CREB5: variants seen among roughly 807,000 people sequenced by gnomAD.
CREB5 encodes the protein cAMP responsive element binding protein 5, also known as cyclic AMP-responsive element-binding protein 5.
Under a neutral mutation model 57.1 loss-of-function variants are expected in CREB5, and 19 were observed. That is an observed-to-expected ratio of 0.33 (90% CI 0.23 to 0.49). CREB5 has a LOEUF of 0.49. Among genes scored for constraint, CREB5 ranks in the 20% least tolerant of loss-of-function variants. The pLI, the probability that CREB5 is intolerant of heterozygous loss-of-function variation, is 0.99. For missense variants in CREB5, 579 were observed against 671.6 expected, an observed-to-expected ratio of 0.86 and a Z score of 1.52; for synonymous variants, 238 against 238.3, an observed-to-expected ratio of 1.00 and a Z score of 0.01.
chr7:28,767,635 C>T (rs908885990), intron 7 of CREB5, among the ~76,000 whole-genome samples: 66 of 152,114 alleles, frequency 4.3e-4, no homozygotes, highest in African/African-American at 1.5e-3. Context: ...GGGAGAGAAG[C>T]GACACACTGC....
intron 5 of CREB5, among the ~76,000 whole-genome samples, chr7:28,645,593 T>C (rs114236325): frequency 1.3e-5 from 2 of 152,334 alleles, no homozygotes; most frequent in African/African-American, 4.8e-5. Flanking sequence ...GATTGGAGAT[T>C]TTTGTTTTTC....
intron 7 of CREB5, among the ~76,000 whole-genome samples, chr7:28,765,051 C>A (rs2128772070): frequency 6.6e-6 from 1 of 152,302 alleles, no homozygotes; most frequent in South Asian, 2.1e-4. Context: ...AAAATGATGA[C>A]AAAGATGAGC....
intron 5 of CREB5, among the ~76,000 whole-genome samples, chr7:28,674,184 CT>C (rs1264640078): frequency 1.3e-5 from 2 of 151,986 alleles, no homozygotes; most frequent in Non-Finnish European, 2.9e-5. Context: ...ACAAGAGTCC[CT>C]TTCTTGATGT....
intron 5 of CREB5, among the ~76,000 whole-genome samples, chr7:28,571,054 T>C (rs930467075): frequency 1.3e-5 from 2 of 152,012 alleles, no homozygotes; most frequent in African/African-American, 4.8e-5. Context: ...GTGTGTGATA[T>C]GTGTTTTCCA....
At chr7:28,608,109 TCTCTCACACACACTCACA>T (rs1339267874) in intron 5 of CREB5, among the ~76,000 whole-genome samples, 5 of 35,192 alleles carry the variant, frequency 1.4e-4, no homozygotes, top group African/African-American at 5.7e-4. Flanking sequence ...TCTCTCTCTC[TCTCTCACACACACTCACA>T]CACACACACA....
intron 7 of CREB5, among the ~76,000 whole-genome samples, chr7:28,751,193 A>AGGGGTGG (rs1804955896): frequency 8.3e-6 from 1 of 120,248 alleles, no homozygotes; most frequent in South Asian, 3.2e-4. Flanking sequence ...CGCGTGAGCC[A>AGGGGTGG]GGGGTGGGGG....
At chr7:28,812,543 C>T (rs71539577) in intron 9 of CREB5, among the ~76,000 whole-genome samples, 293 of 152,230 alleles carry the variant, frequency 1.9e-3, no homozygotes, top group Non-Finnish European at 3.1e-3. Flanking sequence ...CTACTGAGTT[C>T]ATGTAACAGG....
Position 28,720,956 on chromosome 7 carries a change from C to T in CREB5, c.591+2077C>T, listed in dbSNP as rs1803001822. 2.6e-5 allele frequency among the ~76,000 whole-genome samples: 4 copies of T among 152,086 alleles called. 1 individual carries two copies. In the South Asian group the frequency reaches 8.3e-4, roughly 32 times the overall value. On this transcript the variant is annotated intron_variant, in intron 6 of 10. Coordinates refer to ENST00000357727, the MANE Select transcript of CREB5 (RefSeq NM_182898.4). ...GATGAGACACTTAGGCTGAAAAGAC[C>T]CAGAGAAACCAGTTTCTACCACATC...
At chr7:28,710,404 A>G (rs1388560549) in intron 5 of CREB5, among the ~76,000 whole-genome samples, 1 of 152,230 alleles carries the variant, frequency 6.6e-6, no homozygotes, top group Non-Finnish European at 1.5e-5. Context: ...AGTTTCAGAA[A>G]TATCTGCTAC....
chr7:28,703,748 C>G (rs1801975237), intron 5 of CREB5, among the ~76,000 whole-genome samples: 1 of 152,196 alleles, frequency 6.6e-6, no homozygotes, highest in African/African-American at 2.4e-5. Context: ...TTAGATGAAG[C>G]CCACCCACAT....
At chr7:28,477,139 C>T (rs537253186) in intron 1 of CREB5, among the ~76,000 whole-genome samples, 53 of 152,336 alleles carry the variant, frequency 3.5e-4, no homozygotes, top group African/African-American at 1.2e-3. Context: ...CAAGTTGAAT[C>T]ATATTTGAAC....
Position 28,554,918 on chromosome 7 carries a change from T to C in CREB5, c.292-15447T>C, listed in dbSNP as rs112163396. 1.6e-3 allele frequency among the ~76,000 whole-genome samples: 243 copies of C among 152,322 alleles called. 1 individual carries two copies. The highest frequency in any genetic ancestry group is 2.8e-3 in the Non-Finnish European group (193 of 68,026). ...AGAATCTTTCATTATTCATCTCTGC[T>C]AGTAATTAGAGGGCACTATTGAATA... On this transcript the variant is annotated intron_variant, in intron 4 of 10. Transcript: ENST00000357727.
chr7:28,469,082 C>T (rs1790707166), intron 1 of CREB5, among the ~76,000 whole-genome samples: 1 of 152,126 alleles, frequency 6.6e-6, no homozygotes, highest in Non-Finnish European at 1.5e-5. Flanking sequence ...AGGGCCAGGC[C>T]TGCTGGCATG....
intron 5 of CREB5, among the ~76,000 whole-genome samples, chr7:28,623,090 C>A (rs1266531157): frequency 4.6e-5 from 7 of 152,062 alleles, no homozygotes; most frequent in Non-Finnish European, 8.8e-5. Flanking sequence ...ACCATGTTGA[C>A]CAGGCTGGTC....
At chr7:28,774,639 C>A (rs1167105497) in intron 7 of CREB5, among the ~76,000 whole-genome samples, 6 of 152,088 alleles carry the variant, frequency 3.9e-5, no homozygotes, top group Non-Finnish European at 7.4e-5. Flanking sequence ...TGATTTAGGT[C>A]TCTGCATGGT....
chr7:28,318,320 C>T (rs965899749), intron 1 of CREB5, among the ~76,000 whole-genome samples: 50 of 152,254 alleles, frequency 3.3e-4, no homozygotes, highest in Admixed American at 2.4e-3. Context: ...CAAGAACAGG[C>T]GGCAATAATG....
At chr7:28,808,227 A>G (rs779115237) in intron 8 of CREB5, among the ~76,000 whole-genome samples, 25 of 152,174 alleles carry the variant, frequency 1.6e-4, no homozygotes, top group Non-Finnish European at 2.8e-4. Flanking sequence ...GAGCGCTCTG[A>G]GGGGCAGGCA....
chr7:28,599,204 T>C (rs1169208689), intron 5 of CREB5, among the ~76,000 whole-genome samples: 1 of 152,090 alleles, frequency 6.6e-6, no homozygotes, highest in African/African-American at 2.4e-5. Flanking sequence ...TTTAAGTTGA[T>C]TTGACATATA....
intron 5 of CREB5, among the ~76,000 whole-genome samples, chr7:28,692,169 G>C (rs1432053711): frequency 7.4e-6 from 1 of 134,854 alleles, no homozygotes; most frequent in Non-Finnish European, 1.6e-5. Context: ...CTGGATCACA[G>C]AGCGAGACTC....
Sources: allele counts gnomAD v4.1 joint callset (sites outside exome capture counted in the v4.1 genomes callset), GRCh38; gene constraint gnomAD v4.1.1; transcripts MANE v1.5; gene names NCBI Gene and HGNC (gene_info 2026-07-23, HGNC 2026-07-21).